Variants in RAB39A observed in about 807,000 individuals in gnomAD.
RAB39A encodes the protein RAB39A, member RAS oncogene family.
In RAB39A, 17 loss-of-function variants were observed where a neutral mutation model predicts 20.9. The ratio of observed to expected loss-of-function variants is 0.81; its 90% CI spans 0.56 to 1.22. The LOEUF is 1.22. Among genes scored for constraint, RAB39A ranks in the 50% most tolerant of loss-of-function variants. The pLI is 0.00. For synonymous variants in RAB39A, 99 were observed against 103.4 expected (o/e 0.96, Z 0.26); for missense variants, 234 against 270.5 (o/e 0.87, Z 0.95).
At chr11:107,954,901 A>G (rs76105831) in intron 1 of RAB39A, among the ~76,000 whole-genome samples, 10,024 of 151,844 alleles carry the variant, frequency 0.066, 363 homozygotes, top group African/African-American at 0.097. Context: ...GTGTTCTACC[A>G]TCAGGCATTT....
intron 1 of RAB39A, among the ~76,000 whole-genome samples, chr11:107,936,982 C>T (rs575576438): frequency 3.0e-4 from 45 of 151,592 alleles, no homozygotes; most frequent in African/African-American, 9.7e-4. Flanking sequence ...TCCATAATTG[C>T]ATAGGTAACA....
At chr11:107,948,681 C>T (rs1861343838) in intron 1 of RAB39A, among the ~76,000 whole-genome samples, 1 of 152,026 alleles carries the variant, frequency 6.6e-6, no homozygotes, top group Non-Finnish European at 1.5e-5. Flanking sequence ...ACCTCGTGAT[C>T]CGCCTTCCTC....
intron 1 of RAB39A, among the ~76,000 whole-genome samples, chr11:107,947,319 G>A (rs1861329279): frequency 2.0e-5 from 3 of 152,034 alleles, no homozygotes; most frequent in African/African-American, 7.2e-5. Context: ...ATGTTAGCCA[G>A]GATGGTCTTG....
At chr11:107,957,321 A>T (rs1200673577) in intron 1 of RAB39A, among the ~76,000 whole-genome samples, 1 of 151,666 alleles carries the variant, frequency 6.6e-6, no homozygotes. Flanking sequence ...CATAAGCCTC[A>T]AAGGAGCAGG....
Position 107,936,151 on chromosome 11 carries a change from C to T in RAB39A, c.227+7356C>T, listed in dbSNP as rs541017326. On this transcript the variant is annotated intron_variant, in intron 1 of 1. Coordinates refer to ENST00000320578, the MANE Select transcript of RAB39A (RefSeq NM_017516.3). ...CTGACCTCAAGTGATCCGCCCACCT[C>T]GGCCTCCCAAAGTGGTGGCATTACA... 5.3e-5 allele frequency among the ~76,000 whole-genome samples: 8 copies of T among 152,206 alleles called. No homozygotes were observed. The East Asian group carries it at 1.5e-3, about 29-fold the overall frequency.
chr11:107,928,919 C>T lies in RAB39A; in HGVS notation c.227+124C>T. On this transcript the variant is annotated intron_variant, in intron 1 of 1. Coordinates refer to ENST00000320578, the MANE Select transcript of RAB39A (RefSeq NM_017516.3). The surrounding 1 kb of genome is among the most constrained non-coding windows in gnomAD (Gnocchi z 4.9). Reference sequence around the variant, plus strand: ...CTCTGGCCCTTCCCTCTCGAAAGTGCAAACACTCCATTCTCGCTTCCCCTT... The same window carrying T: ...CTCTGGCCCTTCCCTCTCGAAAGTGTAAACACTCCATTCTCGCTTCCCCTT... 1 of 660,368 alleles carries T rather than the reference C, an allele frequency of 1.5e-6. No homozygotes were observed. The allele number at this position is 660,368 out of a possible 1,614,324, so 40.9% of individuals were successfully genotyped here.
intron 1 of RAB39A, among the ~76,000 whole-genome samples, chr11:107,960,343 G>T (rs1261204914): frequency 6.6e-6 from 1 of 152,214 alleles, no homozygotes; most frequent in Admixed American, 6.5e-5. Flanking sequence ...CAGAATGCCA[G>T]TGGTTCAGAG....
intron 1 of RAB39A, among the ~76,000 whole-genome samples, chr11:107,948,365 A>C (rs1284016315): frequency 1.3e-5 from 2 of 152,128 alleles, no homozygotes; most frequent in East Asian, 3.8e-4. Flanking sequence ...TTTTCTTGAC[A>C]CATGGGAGGA....
chr11:107,958,771 A>C (rs557401513), intron 1 of RAB39A, among the ~76,000 whole-genome samples: 14 of 152,322 alleles, frequency 9.2e-5, no homozygotes, highest in African/African-American at 1.9e-4. Context: ...AAATACAATC[A>C]GTTAATAGGG....
At chr11:107,935,781 G>T (rs1461076990) in intron 1 of RAB39A, among the ~76,000 whole-genome samples, 7 of 151,940 alleles carry the variant, frequency 4.6e-5, no homozygotes, top group Non-Finnish European at 2.9e-5. Flanking sequence ...GGAATATCTG[G>T]ACACTCCCAA....
intron 1 of RAB39A, among the ~76,000 whole-genome samples, chr11:107,933,378 T>TTTC (rs1491564503): frequency 7.6e-4 from 2 of 2,624 alleles, no homozygotes; most frequent in African/African-American, 1.3e-3. Context: ...TTATTCTTTC[T>TTTC]TTTTTTTTTT....
intron 1 of RAB39A, among the ~76,000 whole-genome samples, chr11:107,946,434 GTGTATA>G (rs1245139283): frequency 8.0e-3 from 166 of 20,848 alleles, no homozygotes; most frequent in African/African-American, 0.022. Context: ...GTGTGTGTGT[GTGTATA>G]TATATATATA....
chr11:107,957,333 G>A (rs1450392821), intron 1 of RAB39A, among the ~76,000 whole-genome samples: 1 of 150,740 alleles, frequency 6.6e-6, no homozygotes, highest in Non-Finnish European at 1.5e-5. Context: ...AGGAGCAGGA[G>A]ATTTTTTTTA....
chr11:107,959,363 C>T (rs928220682), intron 1 of RAB39A, among the ~76,000 whole-genome samples: 2 of 152,128 alleles, frequency 1.3e-5, no homozygotes, highest in African/African-American at 2.4e-5. Context: ...CACTGCACAT[C>T]TGCCTAAATT....
chr11:107,941,347 A>G (rs1196143590), intron 1 of RAB39A, among the ~76,000 whole-genome samples: 4 of 152,198 alleles, frequency 2.6e-5, no homozygotes, highest in Non-Finnish European at 5.9e-5. Context: ...CTGATACCTG[A>G]AAGAAAAAGT....
In RAB39A at chr11:107,942,750, T is replaced by C. The variant is rs575301188; in HGVS notation, c.227+13955T>C. Among the ~76,000 whole-genome samples the C allele has an allele frequency of 1.4e-4, 21 of 152,316 alleles. No homozygotes were observed. In the South Asian group the frequency reaches 4.1e-3, roughly 30 times the overall value. On this transcript the variant is annotated intron_variant, in intron 1 of 1. Coordinates refer to ENST00000320578, the MANE Select transcript of RAB39A (RefSeq NM_017516.3). Reference sequence around the variant, plus strand: ...AGTGCTCTTCCTGCTATGCCCATCCTCTTGTCATGGTTGAAACAAGTTTTA... The same window carrying C: ...AGTGCTCTTCCTGCTATGCCCATCCCCTTGTCATGGTTGAAACAAGTTTTA...
At chr11:107,945,545 A>G (rs935080728) in intron 1 of RAB39A, among the ~76,000 whole-genome samples, 1 of 152,122 alleles carries the variant, frequency 6.6e-6, no homozygotes, top group Non-Finnish European at 1.5e-5. Context: ...ATTCAAGAAA[A>G]CTGATTTCTG....
intron 1 of RAB39A, among the ~76,000 whole-genome samples, chr11:107,937,010 A>G (rs939029988): frequency 6.6e-6 from 1 of 152,204 alleles, no homozygotes; most frequent in Admixed American, 6.5e-5. Flanking sequence ...GATGACCATA[A>G]TCACTGCAGT....
At chr11:107,961,596 C>T (rs561216610) in intron 1 of RAB39A, among the ~76,000 whole-genome samples, 1 of 152,222 alleles carries the variant, frequency 6.6e-6, no homozygotes, top group South Asian at 2.1e-4. Flanking sequence ...ACAACCTGTG[C>T]CCTTTACTCA....
Sources: allele counts gnomAD v4.1 joint callset (sites outside exome capture counted in the v4.1 genomes callset), GRCh38; gene constraint gnomAD v4.1.1; non-coding constraint Gnocchi (gnomAD v3.1); transcripts MANE v1.5; gene names NCBI Gene and HGNC (gene_info 2026-07-23, HGNC 2026-07-21).